MALRD1: variants seen among roughly 807,000 people sequenced by gnomAD.
MALRD1 encodes the protein MAM and LDL receptor class A domain containing 1.
MALRD1 carries 247 observed loss-of-function variants against 242.1 expected under a neutral mutation model. The ratio of observed to expected loss-of-function variants is 1.02; its 90% confidence interval spans 0.92 to 1.13. The LOEUF is 1.13. Ranked by LOEUF, MALRD1 falls within the 50% of genes most tolerant of loss-of-function variation. The probability of loss-of-function intolerance (pLI) is 0.00; values close to 1 mark genes in which losing one functional copy is unlikely to be tolerated. For synonymous variants in MALRD1, 995 were observed against 866.6 expected, an observed-to-expected ratio of 1.15 and a Z score of -2.60; for missense variants, 2,989 against 2,533.1, an observed-to-expected ratio of 1.18 and a Z score of -3.86.
intron 13 of MALRD1, among the ~76,000 whole-genome samples, chr10:19,166,465 G>T (rs11008747): frequency 0.073 from 11,176 of 152,148 alleles, 539 homozygotes; most frequent in Non-Finnish European, 0.11. Flanking sequence ...TTTGTTAATG[G>T]TTAAAAAATG....
At chr10:19,385,873 C>G (rs993235549) in intron 26 of MALRD1, among the ~76,000 whole-genome samples, 65 of 152,052 alleles carry the variant, frequency 4.3e-4, no homozygotes, top group African/African-American at 1.6e-3. Context: ...TATACACTTC[C>G]CTGTTAGTAC....
intron 21 of MALRD1, among the ~76,000 whole-genome samples, chr10:19,312,613 T>A (rs1842480382): frequency 6.6e-6 from 1 of 151,126 alleles, no homozygotes; most frequent in South Asian, 2.1e-4. Context: ...ACCCTGATAA[T>A]ATTGAAGGGT....
rs910349582 is a variant in MALRD1 at position 19,596,744 on chromosome 10, G to GA, written c.5944+1291dup. 1.2e-3 allele frequency among the ~76,000 whole-genome samples: 167 copies of GA among 145,112 alleles called. 2 individuals are homozygous for GA. In the Admixed American group the frequency reaches 0.012, roughly 10 times the overall value. ...ACAAAGTGAGACTCTGTCTCAAAAA[G>GA]AAAAGAAAAGAAAAGAACGAAAGAA... On this transcript the variant is annotated intron_variant, in intron 34 of 39. Coordinates refer to ENST00000454679, the MANE Select transcript of MALRD1 (RefSeq NM_001142308.3).
chr10:19,199,468 A>G (rs554977727), intron 14 of MALRD1, among the ~76,000 whole-genome samples: 113 of 152,306 alleles, frequency 7.4e-4, no homozygotes, highest in African/African-American at 2.3e-3. Context: ...GAAAAATTAC[A>G]TGTCACTCCT....
intron 28 of MALRD1, among the ~76,000 whole-genome samples, chr10:19,419,742 A>G (rs1214833493): frequency 6.6e-6 from 1 of 152,202 alleles, no homozygotes; most frequent in Non-Finnish European, 1.5e-5. Context: ...CTTTAATTGT[A>G]GTAGTTGTAG....
intron 21 of MALRD1, among the ~76,000 whole-genome samples, chr10:19,317,084 A>G (rs1842737250): frequency 6.6e-6 from 1 of 151,530 alleles, no homozygotes; most frequent in African/African-American, 2.4e-5. Context: ...AATTTTTTTA[A>G]AGAATGCTAG....
chr10:19,351,692 A>C (rs1844383087), intron 25 of MALRD1, among the ~76,000 whole-genome samples: 1 of 152,220 alleles, frequency 6.6e-6, no homozygotes, highest in Non-Finnish European at 1.5e-5. Context: ...TATTCCTTTG[A>C]CAATGGGCTC....
intron 36 of MALRD1, among the ~76,000 whole-genome samples, chr10:19,648,050 A>T (rs1268459286): frequency 2.6e-5 from 4 of 152,142 alleles, no homozygotes; most frequent in African/African-American, 9.7e-5. Context: ...GCAAAGCAGG[A>T]CTCAGGGAGG....
At chr10:19,331,312 G>A in intron 23 of MALRD1, 57 bp from the exon 24 acceptor site, 1 of 1,334,656 alleles carries the variant, frequency 7.5e-7, no homozygotes, top group Non-Finnish European at 1.1e-6. Flanking sequence ...CTTAGTGTTT[G>A]CCCAGGTTTT....
chr10:19,464,593 A>G (rs939620149), intron 29 of MALRD1, among the ~76,000 whole-genome samples: 14 of 152,094 alleles, frequency 9.2e-5, no homozygotes, highest in African/African-American at 2.2e-4. Flanking sequence ...TACCACTACC[A>G]TGCTGTTTTG....
At chr10:19,520,647 A>G (rs1046613934) in intron 31 of MALRD1, among the ~76,000 whole-genome samples, 9 of 152,194 alleles carry the variant, frequency 5.9e-5, no homozygotes, top group African/African-American at 1.9e-4. Flanking sequence ...TTAGAATAAA[A>G]GTGTTTCTCT....
chr10:19,713,961 C>T (rs1834260922), intron 38 of MALRD1, among the ~76,000 whole-genome samples: 1 of 152,118 alleles, frequency 6.6e-6, no homozygotes, highest in Non-Finnish European at 1.5e-5. Flanking sequence ...GCTGCCCAAA[C>T]CTCTAGGGGG....
At chr10:19,237,406 G>C (rs1302409596) in intron 18 of MALRD1, among the ~76,000 whole-genome samples, 2 of 148,170 alleles carry the variant, frequency 1.3e-5, no homozygotes, top group African/African-American at 2.5e-5. Flanking sequence ...TTCTGTGTCT[G>C]GCTTATTTCA....
intron 29 of MALRD1, chr10:19,489,010 C>A (rs1047785734): frequency 1.1e-5 from 5 of 456,004 alleles, no homozygotes; most frequent in Non-Finnish European, 1.8e-5. Context: ...CCGGTTCTCC[C>A]ACCATCCCCC....
chr10:19,703,343 A>G (rs139623770), intron 38 of MALRD1, among the ~76,000 whole-genome samples: 75 of 152,228 alleles, frequency 4.9e-4, no homozygotes, highest in African/African-American at 1.8e-3. Context: ...GGTTGATTGT[A>G]TATGGGGCGA....
chr10:19,485,528 A>C (rs1218055263), intron 29 of MALRD1, among the ~76,000 whole-genome samples: 2 of 151,974 alleles, frequency 1.3e-5, no homozygotes, highest in Non-Finnish European at 2.9e-5. Flanking sequence ...CTGTAGTCCC[A>C]GCTACTGGGG....
At chr10:19,358,122 A>T (rs1414837702) in intron 26 of MALRD1, among the ~76,000 whole-genome samples, 1 of 151,898 alleles carries the variant, frequency 6.6e-6, no homozygotes, top group African/African-American at 2.4e-5. Context: ...TGCAAATTCA[A>T]TCACGGTCAT....
intron 38 of MALRD1, among the ~76,000 whole-genome samples, chr10:19,711,480 C>G (rs1256132975): frequency 6.6e-6 from 1 of 152,084 alleles, no homozygotes; most frequent in East Asian, 1.9e-4. Context: ...CTGCAATAAG[C>G]ATATATCAAA....
At chr10:19,117,340 G>T (rs1179952115) in intron 5 of MALRD1, among the ~76,000 whole-genome samples, 2 of 152,040 alleles carry the variant, frequency 1.3e-5, no homozygotes, top group African/African-American at 4.8e-5. Context: ...AGTTAAAGTG[G>T]TAGACACTGG....
Sources: allele counts gnomAD v4.1 joint callset (sites outside exome capture counted in the v4.1 genomes callset), GRCh38; gene constraint gnomAD v4.1.1; transcripts MANE v1.5; gene names NCBI Gene and HGNC (gene_info 2026-07-23, HGNC 2026-07-21).